The following ADRA1A variants were observed in gnomAD, a reference collection of about 807,000 sequenced individuals.
ADRA1A encodes the protein adrenoceptor alpha 1A.
In ADRA1A, 31 loss-of-function variants were observed where a neutral mutation model predicts 29.6. The observed-to-expected ratio is 1.05, with a 90% confidence interval of 0.79 to 1.41. The LOEUF is 1.41. ADRA1A is among the 40% of genes most tolerant of loss of function. ADRA1A has a pLI of 0.00. For synonymous variants in ADRA1A, 311 were observed against 254.3 expected (o/e 1.22, Z -2.12); for missense variants, 619 against 601.1 (o/e 1.03, Z -0.31).
intron 2 of ADRA1A, among the ~76,000 whole-genome samples, chr8:26,822,093 C>G (rs1366214488): frequency 6.6e-6 from 1 of 152,178 alleles, no homozygotes; most frequent in Non-Finnish European, 1.5e-5. Flanking sequence ...TTTCATCTCT[C>G]TAGAATATGT....
chr8:26,825,380 C>T lies in ADRA1A; in HGVS notation c.883+38707G>A, dbSNP rs1265555343. Among the ~76,000 whole-genome samples the T allele has an allele frequency of 7.4e-6, 1 of 134,472 alleles. No homozygotes were observed. The highest frequency in any genetic ancestry group is 1.6e-5 in the Non-Finnish European group (1 of 62,464). 88.2% of individuals were successfully genotyped at this position (134,472 alleles called of 152,430 possible). On this transcript the variant is annotated intron_variant, in intron 2 of 2. Transcript: ENST00000380573. The surrounding 1 kb of genome is among the most constrained non-coding windows in gnomAD (Gnocchi z 5.7). ...CAAGTGGGAGAGTTTGGTTGTTTGA[C>T]AAAAAATGGGGAGGGTGGGTAGGGA...
intron 2 of ADRA1A, among the ~76,000 whole-genome samples, chr8:26,749,289 G>T (rs1804821442): frequency 6.6e-6 from 1 of 152,176 alleles, no homozygotes; most frequent in Non-Finnish European, 1.5e-5. Context: ...ATCAGGGGCT[G>T]ATGGCTCAAT....
Position 26,831,763 on chromosome 8 carries a change from C to T in ADRA1A, c.883+32324G>A, listed in dbSNP as rs538354673. ...ACCCTTTTGGGCCTTGGGGGGAACA[C>T]GCTGCATGCAGCTTCCTTTCCATCC... On this transcript the variant is annotated intron_variant, in intron 2 of 2. Transcript: ENST00000380573. The surrounding 1 kb of genome is among the most constrained non-coding windows in gnomAD (Gnocchi z 5.2). Among the ~76,000 whole-genome samples the T allele has an allele frequency of 1.2e-4, 19 of 152,350 alleles. No individual in the cohort carries two copies. The South Asian group carries it at 1.9e-3, about 15-fold the overall frequency.
intron 2 of ADRA1A, among the ~76,000 whole-genome samples, chr8:26,828,425 T>C (rs1810742669): frequency 1.3e-5 from 2 of 152,198 alleles, no homozygotes; most frequent in African/African-American, 4.8e-5. Context: ...CCCTTTTCCC[T>C]ATCCCTGTTA....
At chr8:26,830,060 TG>T (rs1810862842) in intron 2 of ADRA1A, among the ~76,000 whole-genome samples, 1 of 152,200 alleles carries the variant, frequency 6.6e-6, no homozygotes, top group Admixed American at 6.5e-5. Flanking sequence ...AGCACTGTCC[TG>T]GGCCTCTAAT....
rs1433921760 is a variant in ADRA1A, at chr8:26,821,269, T to A, written c.883+42818A>T. Among the ~76,000 whole-genome samples, 1 of 152,202 alleles carries A rather than the reference T, an allele frequency of 6.6e-6. No individual in the cohort carries two copies. The highest frequency in any genetic ancestry group is 1.9e-4 in the East Asian group (1 of 5,192). On this transcript the variant is annotated intron_variant, in intron 2 of 2. Coordinates refer to ENST00000380573, the MANE Select transcript of ADRA1A (RefSeq NM_000680.4). The surrounding 1 kb of genome is among the most constrained non-coding windows in gnomAD (Gnocchi z 5.6). ...TAAAGAAAGAGGTTTAATTGGCTCA[T>A]GTTGCTGCAGGCTGTACAAACATGG...
At chr8:26,863,183 T>G (rs916808062) in intron 2 of ADRA1A, among the ~76,000 whole-genome samples, 1 of 152,230 alleles carries the variant, frequency 6.6e-6, no homozygotes, top group Non-Finnish European at 1.5e-5. Context: ...GGTCTGTATT[T>G]GAGCTTACAA....
At chr8:26,811,298 T>C (rs1396081284) in intron 2 of ADRA1A, among the ~76,000 whole-genome samples, 1 of 152,098 alleles carries the variant, frequency 6.6e-6, no homozygotes, top group Non-Finnish European at 1.5e-5. Flanking sequence ...GCTCACGCCA[T>C]TCTCCTGCCT....
intron 2 of ADRA1A, among the ~76,000 whole-genome samples, chr8:26,826,999 G>A (rs1013314285): frequency 1.3e-5 from 2 of 152,172 alleles, no homozygotes; most frequent in Non-Finnish European, 2.9e-5. Context: ...GATTGTGCCC[G>A]TTCTGCAAAT....
At position 26,849,284 on chromosome 8, in the gene ADRA1A, C is replaced by T. The variant is rs111672365; in HGVS notation, c.883+14803G>A. 6.9e-3 allele frequency among the ~76,000 whole-genome samples: 1,058 copies of T among 152,274 alleles called. 10 individuals are homozygous for T. The highest frequency in any genetic ancestry group is 0.024 in the African/African-American group (1,015 of 41,554). On this transcript the variant is annotated intron_variant, in intron 2 of 2. Transcript: ENST00000380573. The stretch of plus-strand genomic sequence containing the variant: ...CAGGGGCTTGAGAGAGCAGAAACTG[C>T]GACACACACAGGATCAGGGCCAGCT...
At chr8:26,798,549 C>A (rs976167100) in intron 2 of ADRA1A, among the ~76,000 whole-genome samples, 1 of 152,062 alleles carries the variant, frequency 6.6e-6, no homozygotes, top group Admixed American at 6.6e-5. Flanking sequence ...AATTATTTCC[C>A]CAGACAGAGA....
chr8:26,775,940 C>T lies in ADRA1A; in HGVS notation c.884-5274G>A, dbSNP rs1806517381. Among the ~76,000 whole-genome samples, 1 of 152,118 alleles carries T rather than the reference C, an allele frequency of 6.6e-6. No individual in the cohort carries two copies. The highest frequency in any genetic ancestry group is 1.5e-5 in the Non-Finnish European group (1 of 68,032). Reference sequence around the variant, plus strand: ...TTAAAATGTTGCCTCTATGTCTTTCCACTGAATGCTATATCCATTGGGAAA... The same window carrying T: ...TTAAAATGTTGCCTCTATGTCTTTCTACTGAATGCTATATCCATTGGGAAA... On this transcript the variant is annotated intron_variant, in intron 2 of 2. Transcript: ENST00000380573. The surrounding 1 kb of genome is among the most constrained non-coding windows in gnomAD (Gnocchi z 4.1).
At chr8:26,748,536 C>A (rs13268081) in exon 3 of ADRA1A, 5,702 of 332,960 alleles carry the variant, frequency 0.017, 92 homozygotes, top group African/African-American at 0.045. Context: ...GTCAAGAGAT[C>A]GAGATCATCC....
intron 2 of ADRA1A, among the ~76,000 whole-genome samples, chr8:26,802,030 C>A (rs952722579): frequency 1.3e-5 from 2 of 152,208 alleles, no homozygotes; most frequent in African/African-American, 2.4e-5. Flanking sequence ...CTGGGGAAAC[C>A]AGATATCCAT....
At chr8:26,863,732 C>T (rs1813649345) in intron 2 of ADRA1A, among the ~76,000 whole-genome samples, 1 of 152,168 alleles carries the variant, frequency 6.6e-6, no homozygotes. Context: ...CACAGTCAGC[C>T]TAAGCACTTG....
chr8:26,829,262 G>T (rs1018993092), intron 2 of ADRA1A, among the ~76,000 whole-genome samples: 5 of 152,042 alleles, frequency 3.3e-5, no homozygotes, highest in Admixed American at 2.6e-4. Context: ...AGAAATATAG[G>T]CTGACAAAAA....
At chr8:26,786,546 C>A (rs914348523) in intron 2 of ADRA1A, among the ~76,000 whole-genome samples, 2 of 152,128 alleles carry the variant, frequency 1.3e-5, no homozygotes, top group African/African-American at 4.8e-5. Flanking sequence ...GCTGGGATTA[C>A]ACAACCTGAT....
chr8:26,813,069 T>C (rs1020984759), intron 2 of ADRA1A, among the ~76,000 whole-genome samples: 2 of 151,812 alleles, frequency 1.3e-5, no homozygotes, highest in Admixed American at 6.6e-5. Context: ...AATTTTTCAC[T>C]CATACCCTTC....
intron 2 of ADRA1A, among the ~76,000 whole-genome samples, chr8:26,814,952 T>A (rs1457227054): frequency 6.6e-6 from 1 of 152,226 alleles, no homozygotes; most frequent in Non-Finnish European, 1.5e-5. Flanking sequence ...AGATCTAAAT[T>A]AATGGTGAAT....
Sources: allele counts gnomAD v4.1 joint callset (sites outside exome capture counted in the v4.1 genomes callset), GRCh38; gene constraint gnomAD v4.1.1; non-coding constraint Gnocchi (gnomAD v3.1); transcripts MANE v1.5; gene names NCBI Gene and HGNC (gene_info 2026-07-23, HGNC 2026-07-21).